Variants in ST18 observed in about 807,000 individuals in gnomAD.
The protein encoded by ST18 is suppression of tumorigenicity 18 protein.
A neutral mutation model predicts 110.0 loss-of-function variants in ST18; 50 were observed. The observed-to-expected ratio is 0.45, with a 90% CI of 0.36 to 0.58. The LOEUF (loss-of-function observed/expected upper bound fraction) is 0.58, where lower values mean the gene tolerates loss of function less well. ST18 is among the 20% of genes least tolerant of loss of function. The pLI, the probability that ST18 is intolerant of heterozygous loss-of-function variation, is 0.00. For missense variants in ST18, 1,306 were observed against 1,280.1 expected (o/e 1.02, Z -0.31); for synonymous variants, 461 against 452.4 (o/e 1.02, Z -0.24).
intron 17 of ST18, among the ~76,000 whole-genome samples, chr8:52,140,905 T>C (rs922942176): frequency 6.6e-5 from 10 of 152,030 alleles, no homozygotes; most frequent in Non-Finnish European, 8.8e-5. Flanking sequence ...ATGAAAAAAA[T>C]ACATACAAAG....
At chr8:52,368,345 A>T (rs1828960701) in intron 2 of ST18, among the ~76,000 whole-genome samples, 1 of 152,252 alleles carries the variant, frequency 6.6e-6, no homozygotes, top group Admixed American at 6.5e-5. Flanking sequence ...AGAATTTGTG[A>T]ATAACAACAA....
At chr8:52,268,990 G>C (rs1221958154) in intron 2 of ST18, among the ~76,000 whole-genome samples, 2 of 152,190 alleles carry the variant, frequency 1.3e-5, no homozygotes, top group Non-Finnish European at 2.9e-5. Context: ...CACACAGCAC[G>C]TTTTGATGCT....
At chr8:52,399,801 A>G (rs1208916625) in intron 2 of ST18, among the ~76,000 whole-genome samples, 1 of 152,044 alleles carries the variant, frequency 6.6e-6, no homozygotes, top group East Asian at 1.9e-4. Context: ...AATGGTACAT[A>G]TAATTTCAAT....
At chr8:52,215,447 A>T (rs1490769752) in intron 6 of ST18, among the ~76,000 whole-genome samples, 1 of 152,070 alleles carries the variant, frequency 6.6e-6, no homozygotes, top group Non-Finnish European at 1.5e-5. Flanking sequence ...CTATTTATCC[A>T]TTGTGCATTT....
At chr8:52,345,286 T>A (rs1347797535) in intron 2 of ST18, among the ~76,000 whole-genome samples, 1 of 152,188 alleles carries the variant, frequency 6.6e-6, no homozygotes, top group East Asian at 1.9e-4. Flanking sequence ...CATCCAGATT[T>A]GTCTCTTATC....
At chr8:52,333,696 T>C (rs1810698627) in intron 2 of ST18, among the ~76,000 whole-genome samples, 1 of 152,246 alleles carries the variant, frequency 6.6e-6, no homozygotes, top group African/African-American at 2.4e-5. Flanking sequence ...ACTTTCTTTA[T>C]ATTTGATAAA....
At chr8:52,388,972 T>TAA (rs1564637431) in intron 2 of ST18, among the ~76,000 whole-genome samples, 4 of 32,452 alleles carry the variant, frequency 1.2e-4, no homozygotes, top group South Asian at 1.9e-3. Flanking sequence ...TAATAATAAT[T>TAA]TAAAAAAAAA....
chr8:52,325,104 T>A (rs979996958), intron 2 of ST18, among the ~76,000 whole-genome samples: 1 of 152,186 alleles, frequency 6.6e-6, no homozygotes, highest in Non-Finnish European at 1.5e-5. Context: ...CAATTTGCAA[T>A]GTTCTGAGCA....
At chr8:52,137,746 TG>T in intron 17 of ST18, 1 of 403,862 alleles carries the variant, frequency 2.5e-6, no homozygotes, top group Non-Finnish European at 4.4e-6. Context: ...TCCATTGATG[TG>T]GGAAAGTGAT....
chr8:52,275,244 G>A lies in ST18; in HGVS notation c.-464-45167C>T, dbSNP rs142844328. ...TTGAACCCAGAAATAGGGAAACTAC[G>A]TGAGTAAATAAAAACTTGTGACCTT... On this transcript the variant is annotated intron_variant, in intron 2 of 25. Coordinates refer to ENST00000689386, the MANE Select transcript of ST18 (RefSeq NM_001352837.2). Among the ~76,000 whole-genome samples the A allele has an allele frequency of 6.0e-3, 915 of 152,192 alleles. 5 individuals are homozygous for A. The highest frequency in any genetic ancestry group is 0.021 in the African/African-American group (860 of 41,522).
At chr8:52,233,613 A>G (rs1400487572) in intron 2 of ST18, among the ~76,000 whole-genome samples, 5 of 151,200 alleles carry the variant, frequency 3.3e-5, no homozygotes, top group Admixed American at 3.3e-4. Flanking sequence ...TTATTTGAAC[A>G]TCTGATTGAT....
chr8:52,311,682 G>A (rs1258741591), intron 2 of ST18, among the ~76,000 whole-genome samples: 2 of 152,220 alleles, frequency 1.3e-5, no homozygotes, highest in African/African-American at 4.8e-5. Flanking sequence ...GAGAGAGAGT[G>A]TGAGCATCTG....
intron 10 of ST18, chr8:52,171,565 G>T: frequency 1.6e-6 from 1 of 642,664 alleles, no homozygotes; most frequent in African/African-American, 1.8e-5. Flanking sequence ...TAGATTCAAT[G>T]AACCTTTTTT....
intron 8 of ST18, 87 bp from the exon 9 acceptor site, chr8:52,180,399 C>T: frequency 9.5e-6 from 14 of 1,466,710 alleles, no homozygotes; most frequent in South Asian, 1.2e-5. Context: ...TAACCTAAAG[C>T]CTTTGGAAAC....
intron 2 of ST18, among the ~76,000 whole-genome samples, chr8:52,231,236 G>A (rs548269520): frequency 6.6e-6 from 1 of 152,206 alleles, no homozygotes; most frequent in South Asian, 2.1e-4. Context: ...CCATAATGCA[G>A]ACACAGTGTG....
At chr8:52,249,136 G>A (rs1417385582) in intron 2 of ST18, among the ~76,000 whole-genome samples, 1 of 152,116 alleles carries the variant, frequency 6.6e-6, no homozygotes, top group Non-Finnish European at 1.5e-5. Flanking sequence ...CTCGCATTTT[G>A]GGGTTTACTC....
At chr8:52,222,543 T>C (rs2087264838) in intron 3 of ST18, among the ~76,000 whole-genome samples, 1 of 152,080 alleles carries the variant, frequency 6.6e-6, no homozygotes, top group Non-Finnish European at 1.5e-5. Flanking sequence ...AATATAACTT[T>C]AGAAATATGA....
Position 52,118,335 on chromosome 8 carries a change from T to C in ST18, c.2859+3A>G, listed in dbSNP as rs753968658. 6.3e-7 allele frequency: 1 copy of C among 1,581,598 alleles called. No individual in the cohort carries two copies. The highest frequency in any genetic ancestry group is 8.6e-7 in the Non-Finnish European group (1 of 1,160,126). On this transcript the variant is annotated splice_donor_region_variant and intron_variant, in intron 24 of 25. Coordinates refer to ENST00000689386, the MANE Select transcript of ST18 (RefSeq NM_001352837.2). ...AGGATCATGAATTACTTCTTTTTTT[T>C]ACCTGGGTCTGAAGTTTCATCATAT...
chr8:52,352,379 T>C (rs9643472), intron 2 of ST18, among the ~76,000 whole-genome samples: 3,694 of 152,298 alleles, frequency 0.024, 98 homozygotes, highest in East Asian at 0.12. Context: ...GACAACTCAA[T>C]ACTCTCAACT....
Sources: allele counts gnomAD v4.1 joint callset (sites outside exome capture counted in the v4.1 genomes callset), GRCh38; gene constraint gnomAD v4.1.1; transcripts MANE v1.5; gene names NCBI Gene and HGNC (gene_info 2026-07-23, HGNC 2026-07-21).